Variants in DEUP1 observed in about 807,000 individuals in gnomAD.
The protein encoded by DEUP1 is deuterosome assembly protein 1, also known as coiled-coil domain containing 67.
A neutral mutation model predicts 87.4 loss-of-function variants in DEUP1; 82 were observed. The ratio of observed to expected loss-of-function variants is 0.94; its 90% CI spans 0.78 to 1.13. DEUP1 has a LOEUF of 1.13. Among genes scored for constraint, DEUP1 ranks in the 50% most tolerant of loss-of-function variants. The pLI is 0.00. For synonymous variants in DEUP1, 214 were observed against 222.7 expected (o/e 0.96, Z 0.35); for missense variants, 663 against 681.5 (o/e 0.97, Z 0.30).
chr11:93,343,172 G>T (rs1382119389), intron 2 of DEUP1, among the ~76,000 whole-genome samples: 2 of 152,176 alleles, frequency 1.3e-5, no homozygotes, highest in Non-Finnish European at 2.9e-5. Context: ...TCCAAAAGCA[G>T]TATATTAATT....
Position 93,378,614 on chromosome 11 carries a change from G to A in DEUP1, c.790-6784G>A, listed in dbSNP as rs190415213. Among the ~76,000 whole-genome samples the A allele has an allele frequency of 1.2e-4, 19 of 152,008 alleles. No homozygotes were observed. The East Asian group carries it at 1.5e-3, about 12-fold the overall frequency. On this transcript the variant is annotated intron_variant, in intron 7 of 13. Coordinates refer to ENST00000298050, the MANE Select transcript of DEUP1 (RefSeq NM_181645.4). Reference sequence around the variant, plus strand: ...TCCTTGTTTTTGATCCATTGCTGGCGAGCTAGTGTGATCTTTCAGGGTTGC... The same window carrying A: ...TCCTTGTTTTTGATCCATTGCTGGCAAGCTAGTGTGATCTTTCAGGGTTGC...
chr11:93,359,110 G>T (rs1945038477), intron 4 of DEUP1, among the ~76,000 whole-genome samples: 2 of 152,212 alleles, frequency 1.3e-5, no homozygotes, highest in South Asian at 2.1e-4. Context: ...CTATGTACTT[G>T]ATTCGGTTTG....
intron 8 of DEUP1, among the ~76,000 whole-genome samples, chr11:93,386,735 G>C (rs1946578698): frequency 6.6e-6 from 1 of 152,132 alleles, no homozygotes; most frequent in African/African-American, 2.4e-5. Context: ...CGAATGCTCT[G>C]TATACAAGAT....
chr11:93,401,216 A>G (rs1266757653), intron 11 of DEUP1, among the ~76,000 whole-genome samples: 1 of 152,164 alleles, frequency 6.6e-6, no homozygotes. Context: ...AATATGAAAT[A>G]CCTAAGAATC....
chr11:93,412,907 G>A lies in DEUP1; in HGVS notation c.1524-2093G>A, dbSNP rs200493295. ...CATGGTAATTATAGTTTGGGAGAAT[G>A]AGTAAAAAAAAAAGATACATCTCAA... On this transcript the variant is annotated intron_variant, in intron 12 of 13. Coordinates refer to ENST00000298050, the MANE Select transcript of DEUP1 (RefSeq NM_181645.4). 2.0e-5 allele frequency among the ~76,000 whole-genome samples: 3 copies of A among 151,392 alleles called. No individual in the cohort carries two copies. The East Asian group carries it at 5.8e-4, about 29-fold the overall frequency.
intron 13 of DEUP1, among the ~76,000 whole-genome samples, chr11:93,432,079 A>G (rs1389275604): frequency 6.6e-6 from 1 of 152,230 alleles, no homozygotes; most frequent in Non-Finnish European, 1.5e-5. Flanking sequence ...ATTTAAGTCT[A>G]TAGAACTGGA....
intron 11 of DEUP1, among the ~76,000 whole-genome samples, chr11:93,405,666 T>C (rs1010754653): frequency 6.6e-6 from 1 of 152,008 alleles, no homozygotes; most frequent in Non-Finnish European, 1.5e-5. Context: ...TAATACCTAA[T>C]ATGTATGTAT....
Position 93,438,117 on chromosome 11 carries a change from G to T in DEUP1, c.*398G>T, listed in dbSNP as rs1455439551. 1 of 155,934 alleles carries T rather than the reference G, an allele frequency of 6.4e-6. No homozygotes were observed. The highest frequency in any genetic ancestry group is 2.4e-5 in the African/African-American group (1 of 41,378). The allele number at this position is 155,934 out of a possible 1,614,324, so 9.7% of individuals were successfully genotyped here. On this transcript the variant is annotated 3_prime_UTR_variant, in exon 14 of 14. Coordinates refer to ENST00000298050, the MANE Select transcript of DEUP1 (RefSeq NM_181645.4). Reference sequence around the variant, plus strand: ...ATATTCCAGATACAAATGACTCAAAGGCAGCTCAGTTGTACTGGTTTTGAA... The same window carrying T: ...ATATTCCAGATACAAATGACTCAAATGCAGCTCAGTTGTACTGGTTTTGAA...
intron 13 of DEUP1, among the ~76,000 whole-genome samples, chr11:93,416,436 G>T (rs1178546996): frequency 6.6e-6 from 1 of 152,086 alleles, no homozygotes; most frequent in Non-Finnish European, 1.5e-5. Flanking sequence ...ATCCAGAAAT[G>T]GATAAATTCC....
chr11:93,349,963 G>T (rs1944549710), intron 2 of DEUP1, among the ~76,000 whole-genome samples: 1 of 152,188 alleles, frequency 6.6e-6, no homozygotes, highest in Non-Finnish European at 1.5e-5. Flanking sequence ...ATTGGAGGGT[G>T]TTGGCATGTA....
At chr11:93,370,977 C>A in intron 6 of DEUP1, 61 bp from the exon 7 acceptor site, 2 of 1,438,088 alleles carry the variant, frequency 1.4e-6, no homozygotes, top group Non-Finnish European at 1.9e-6. Flanking sequence ...CATTCTTGAA[C>A]TTCATGTAAG....
intron 11 of DEUP1, among the ~76,000 whole-genome samples, chr11:93,403,888 G>A (rs576700093): frequency 5.9e-5 from 9 of 151,944 alleles, no homozygotes; most frequent in East Asian, 1.9e-4. Context: ...GAAATTTTAC[G>A]TCAGGCAACA....
At chr11:93,397,237 C>T (rs573954483) in intron 11 of DEUP1, among the ~76,000 whole-genome samples, 8 of 152,188 alleles carry the variant, frequency 5.3e-5, no homozygotes, top group South Asian at 2.1e-4. Flanking sequence ...TATACTTGTT[C>T]TCATAATGGT....
chr11:93,403,433 T>C (rs763176896), intron 11 of DEUP1, among the ~76,000 whole-genome samples: 4 of 151,916 alleles, frequency 2.6e-5, no homozygotes, highest in Non-Finnish European at 5.9e-5. Context: ...CAGTAATTTG[T>C]ATTTTTCTAG....
At chr11:93,374,113 C>A (rs1945911596) in intron 7 of DEUP1, among the ~76,000 whole-genome samples, 1 of 152,120 alleles carries the variant, frequency 6.6e-6, no homozygotes, top group Non-Finnish European at 1.5e-5. Context: ...GTCCTTAGCC[C>A]ACTTTTTGAT....
In DEUP1 at chr11:93,371,300, C is replaced by T. The variant is rs1223069076; in HGVS notation, c.789+20C>T. 4.4e-6 allele frequency: 7 copies of T among 1,602,622 alleles called. No individual in the cohort carries two copies. The highest frequency in any genetic ancestry group is 6.0e-6 in the Non-Finnish European group (7 of 1,174,886). On this transcript the variant is annotated intron_variant, in intron 7 of 13. Transcript: ENST00000298050. ...TGCCAGGTGAAGATTAATTTTTTTT[C>T]AACTAATATTGTCCATGACTTGTAT... is the stretch of plus-strand genomic sequence containing the variant.
At chr11:93,413,005 A>C (rs1280643059) in intron 12 of DEUP1, among the ~76,000 whole-genome samples, 1 of 152,158 alleles carries the variant, frequency 6.6e-6, no homozygotes, top group East Asian at 1.9e-4. Context: ...TTAACTTTTA[A>C]TGCTATTTGT....
intron 8 of DEUP1, among the ~76,000 whole-genome samples, chr11:93,386,666 C>G (rs1946574896): frequency 6.6e-6 from 1 of 152,102 alleles, no homozygotes; most frequent in South Asian, 2.1e-4. Flanking sequence ...CCTAAAATGA[C>G]CTATTTGTGT....
At chr11:93,416,246 T>G (rs898860365) in intron 13 of DEUP1, among the ~76,000 whole-genome samples, 1 of 152,040 alleles carries the variant, frequency 6.6e-6, no homozygotes, top group African/African-American at 2.4e-5. Flanking sequence ...TCCAGGAGCT[T>G]GTTTTTTGAA....
Sources: allele counts gnomAD v4.1 joint callset (sites outside exome capture counted in the v4.1 genomes callset), GRCh38; gene constraint gnomAD v4.1.1; transcripts MANE v1.5; gene names NCBI Gene and HGNC (gene_info 2026-07-23, HGNC 2026-07-21).